GEMIN8: variants seen among roughly 807,000 people sequenced by gnomAD.
The protein encoded by GEMIN8 is gem-associated protein 8.
For synonymous variants in GEMIN8, 80 were observed against 78.5 expected (o/e 1.02, Z -0.10); for missense variants, 185 against 205.9 (o/e 0.90, Z 0.62).
the GEMIN8 span, among the ~76,000 whole-genome samples, chrX:13,997,980 T>C: frequency 9.1e-6 from 1 of 109,745 alleles, no homozygotes; most frequent in Non-Finnish European, 1.9e-5. Flanking sequence ...AGTCACGACG[T>C]ATTTTTAAAA....
At chrX:13,995,661 A>G in the GEMIN8 span, among the ~76,000 whole-genome samples, 33,469 of 109,922 alleles carry the variant, frequency 0.3, 3,786 homozygotes, top group South Asian at 0.35. Flanking sequence ...AGAGACTGCC[A>G]GCATTCCTTG....
chrX:13,985,095 A>G, the GEMIN8 span, among the ~76,000 whole-genome samples: 3 of 111,553 alleles, frequency 2.7e-5, no homozygotes, highest in Non-Finnish European at 3.8e-5. Flanking sequence ...CTCTGTAACA[A>G]CCTCTCACCA....
rs1357210228 is a variant in GEMIN8, at chrX:14,008,040, C to T, written c.*873G>A. On this transcript the variant is annotated 3_prime_UTR_variant, in exon 5 of 5. Coordinates refer to ENST00000680255, the MANE Select transcript of GEMIN8 (RefSeq NM_001042479.2). ...CTTTCTCTAGGTTGGAGTGCAGTGG[C>T]GCGATCTCAGCTCACTGCAACCTCT... Among the ~76,000 whole-genome samples the T allele has an allele frequency of 9.0e-6, 1 of 110,598 alleles. No individual in the cohort carries two copies. Among genetic ancestry groups the T allele is most frequent in the East Asian group, 2.8e-4 (1 of 3,512 alleles).
Position 14,013,362 on chromosome X carries a change from AG to A in GEMIN8, c.473-4194del, listed in dbSNP as rs1239968699. Among the ~76,000 whole-genome samples, 4 of 112,318 alleles carry A rather than the reference AG, an allele frequency of 3.6e-5. No individual in the cohort carries two copies. In the Admixed American group the frequency reaches 3.8e-4, roughly 11 times the overall value. On this transcript the variant is annotated intron_variant, in intron 4 of 4. Coordinates refer to ENST00000680255, the MANE Select transcript of GEMIN8 (RefSeq NM_001042479.2). Reference sequence around the variant, plus strand: ...ACTCAATGTTGCCATACACTTTTATAGGGTATTTTGGCAAGATAATTTGTTT... The same window carrying A: ...ACTCAATGTTGCCATACACTTTTATAGGTATTTTGGCAAGATAATTTGTTT...
At chrX:14,010,015 G>A (rs753331295) in intron 4 of GEMIN8, among the ~76,000 whole-genome samples, 1 of 112,022 alleles carries the variant, frequency 8.9e-6, no homozygotes, top group Non-Finnish European at 1.9e-5. Flanking sequence ...GGTGAGGAAA[G>A]GGCAATTCTA....
At chrX:13,985,942 G>A in the GEMIN8 span, among the ~76,000 whole-genome samples, 4 of 110,772 alleles carry the variant, frequency 3.6e-5, no homozygotes, top group Non-Finnish European at 5.7e-5. Flanking sequence ...TTTCTTTTTC[G>A]AAACTTGATT....
At chrX:13,990,692 C>G in the GEMIN8 span, among the ~76,000 whole-genome samples, 3 of 112,412 alleles carry the variant, frequency 2.7e-5, no homozygotes, top group African/African-American at 9.7e-5. Context: ...GTATTTTTTC[C>G]ATTTATCCAA....
At chrX:13,992,710 A>G in the GEMIN8 span, among the ~76,000 whole-genome samples, 1 of 111,903 alleles carries the variant, frequency 8.9e-6, no homozygotes, top group Non-Finnish European at 1.9e-5. Context: ...GGTGAGTAGA[A>G]GGAACCGATG....
At chrX:14,019,930 T>C (rs942703803) in intron 4 of GEMIN8, 148 bp downstream of exon 4, 2 of 393,955 alleles carry the variant, frequency 5.1e-6, no homozygotes, top group African/African-American at 5.1e-5. Flanking sequence ...AGGTACAGCA[T>C]CCCCATAGCT....
chrX:14,012,855 T>TA lies in GEMIN8; in HGVS notation c.473-3687dup, dbSNP rs747695834. On this transcript the variant is annotated intron_variant, in intron 4 of 4. Transcript: ENST00000680255. ...CTCAGAGCCTCCCAGGCAGAGGGGC[T>TA]ATGGGGGGGGGCACCAATGAGTTGG... 5.1e-3 allele frequency among the ~76,000 whole-genome samples: 479 copies of TA among 94,004 alleles called. 2 individuals carry two copies. Among genetic ancestry groups the TA allele is most frequent in the African/African-American group, 0.018 (451 of 25,386 alleles). The allele number at this position is 94,004 out of a possible 115,157, so 81.6% of individuals were successfully genotyped here.
chrX:14,006,168 A>C (rs1408822766), downstream of GEMIN8, among the ~76,000 whole-genome samples: 2 of 109,992 alleles, frequency 1.8e-5, no homozygotes, highest in African/African-American at 6.6e-5. Flanking sequence ...AGCTGGGACT[A>C]TAGGTGTGCA....
Position 14,008,815 on chromosome X carries a change from G to T in GEMIN8, c.*98C>A, listed in dbSNP as rs1041778569. 34 of 893,184 alleles carry T rather than the reference G, an allele frequency of 3.8e-5. No homozygotes were observed. The highest frequency in any genetic ancestry group is 5.1e-5 in the Non-Finnish European group (32 of 628,075). 73.6% of individuals were successfully genotyped at this position (893,184 alleles called of 1,213,427 possible). On this transcript the variant is annotated 3_prime_UTR_variant, in exon 5 of 5. Coordinates refer to ENST00000680255, the MANE Select transcript of GEMIN8 (RefSeq NM_001042479.2). ...CTGTGGTGAACATGCCTGTACCCCA[G>T]TACAAAGTCCCCTTTCCCTAAGAAA...
At chrX:14,016,860 A>G in intron 4 of GEMIN8, among the ~76,000 whole-genome samples, 1 of 79,013 alleles carries the variant, frequency 1.3e-5, no homozygotes, top group East Asian at 3.5e-4. Flanking sequence ...AAAAAAAAAA[A>G]AAAAAAATAT....
At chrX:13,995,074 T>C in the GEMIN8 span, among the ~76,000 whole-genome samples, 3 of 111,952 alleles carry the variant, frequency 2.7e-5, no homozygotes, top group Admixed American at 1.9e-4. Context: ...TGGACCATGC[T>C]GGTTCTGTCA....
intron 4 of GEMIN8, chrX:14,014,636 C>T (rs1923791886): frequency 2.3e-6 from 1 of 428,271 alleles, no homozygotes; most frequent in Non-Finnish European, 2.9e-6. Flanking sequence ...TCACTAAATA[C>T]TGGGCCATAA....
intron 1 of GEMIN8, chrX:14,026,940 G>A (rs1333533865): frequency 8.9e-6 from 1 of 112,347 alleles, no homozygotes. Flanking sequence ...TCCCTACAAA[G>A]CTCCAGTGAT....
At chrX:13,996,153 CTA>C in the GEMIN8 span, among the ~76,000 whole-genome samples, 3 of 111,565 alleles carry the variant, frequency 2.7e-5, no homozygotes, top group Non-Finnish European at 3.8e-5. Flanking sequence ...ATCATAGAAC[CTA>C]CTATTTTTAA....
the GEMIN8 span, among the ~76,000 whole-genome samples, chrX:13,990,655 A>C: frequency 1.8e-5 from 2 of 112,852 alleles, no homozygotes; most frequent in Admixed American, 1.9e-4. Context: ...TGCATACATA[A>C]GTATAAATGC....
intron 1 of GEMIN8, among the ~76,000 whole-genome samples, chrX:14,027,965 G>A (rs1924778537): frequency 8.9e-6 from 1 of 112,362 alleles, no homozygotes; most frequent in Admixed American, 9.4e-5. Flanking sequence ...AGGTAATAAG[G>A]GTTGAATAGG....
Sources: allele counts gnomAD v4.1 joint callset (sites outside exome capture counted in the v4.1 genomes callset), GRCh38; gene constraint gnomAD v4.1.1; transcripts MANE v1.5; gene names NCBI Gene and HGNC (gene_info 2026-07-23, HGNC 2026-07-21).